EVL: variants seen among roughly 807,000 people sequenced by gnomAD.
EVL encodes ena/VASP-like protein.
A neutral mutation model predicts 59.6 loss-of-function variants in EVL; 21 were observed. The observed-to-expected ratio is 0.35, with a 90% CI of 0.25 to 0.51. EVL has a LOEUF of 0.51. EVL is among the 20% of genes least tolerant of loss of function. The probability of loss-of-function intolerance (pLI) is 0.97; values close to 1 mark genes in which losing one functional copy is unlikely to be tolerated. For synonymous variants in EVL, 198 were observed against 203.5 expected (o/e 0.97, Z 0.23); for missense variants, 462 against 546.6 (o/e 0.85, Z 1.54).
At chr14:100,009,642 G>A (rs2061003841) in intron 1 of EVL, among the ~76,000 whole-genome samples, 1 of 152,152 alleles carries the variant, frequency 6.6e-6, no homozygotes. Flanking sequence ...TCGTATTGTT[G>A]TTGATGAAGA....
At chr14:100,141,068 C>T (rs1209320922) in intron 11 of EVL, 112 bp from the exon 12 acceptor site, 1 of 997,598 alleles carries the variant, frequency 1.0e-6, no homozygotes, top group Non-Finnish European at 1.5e-6. Flanking sequence ...AGCAAGCAGC[C>T]TCTATGGAGC....
At chr14:100,063,647 AAAC>A (rs1347266270), upstream of EVL, among the ~76,000 whole-genome samples, 1 of 152,220 alleles carries the variant, frequency 6.6e-6, no homozygotes, top group Non-Finnish European at 1.5e-5. Flanking sequence ...AGACAAAAAC[AAAC>A]AACAGCAACA....
intron 1 of EVL, among the ~76,000 whole-genome samples, chr14:100,035,153 G>C (rs1283955302): frequency 1.3e-5 from 2 of 152,042 alleles, no homozygotes; most frequent in Non-Finnish European, 2.9e-5. Flanking sequence ...TTGTGTTTTT[G>C]CTGGTTTTTG....
At chr14:99,987,893 AAAGAC>A (rs2060849143) in intron 1 of EVL, among the ~76,000 whole-genome samples, 2 of 151,632 alleles carry the variant, frequency 1.3e-5, no homozygotes, top group South Asian at 4.2e-4. Flanking sequence ...TCAACAATGA[AAAGAC>A]AACCCAATTT....
chr14:100,012,247 T>A lies in EVL; in HGVS notation c.5+40190T>A, dbSNP rs566933040. ...TGATTTACCATTGCTAACTATCATT[T>A]CAGCTTTTTTAGGTTATGGGGTCTG... On this transcript the variant is annotated intron_variant, in intron 1 of 13. Coordinates refer to the EVL transcript ENST00000402714. Among the ~76,000 whole-genome samples the A allele has an allele frequency of 5.9e-5, 9 of 152,368 alleles. No individual in the cohort carries two copies. The South Asian group carries it at 1.7e-3, about 28-fold the overall frequency.
In EVL at chr14:100,144,229, T is replaced by G; in HGVS notation, c.*491T>G. 6.3e-6 allele frequency: 1 copy of G among 157,778 alleles called. No homozygotes were observed. The highest frequency in any genetic ancestry group is 1.4e-5 in the Non-Finnish European group (1 of 71,524). 9.8% of individuals were successfully genotyped at this position (157,778 alleles called of 1,614,324 possible). A position where few individuals can be genotyped will look rare whatever the true frequency, so the allele number is the denominator to read the frequency against. ...GTCCACACAGTAATAAACGGTTTAC[T>G]GTCCGCACCCTCGGGCTCAGGCCCT... On this transcript the variant is annotated 3_prime_UTR_variant, in exon 14 of 14. Coordinates refer to ENST00000392920, the MANE Select transcript of EVL (RefSeq NM_016337.3).
intron 1 of EVL, among the ~76,000 whole-genome samples, chr14:100,001,137 C>T (rs2060943754): frequency 6.6e-6 from 1 of 152,100 alleles, no homozygotes; most frequent in Non-Finnish European, 1.5e-5. Flanking sequence ...TATCAGTAGG[C>T]AGGTATGAAA....
intron 3 of EVL, chr14:100,106,976 G>C: frequency 2.5e-6 from 1 of 398,708 alleles, no homozygotes; most frequent in Non-Finnish European, 4.4e-6. Flanking sequence ...TGGTCTAGCA[G>C]GAAGAGTGCA....
rs1364047919 is a variant in EVL at position 100,141,765 on chromosome 14, C to T, written c.1191C>T (p.Leu397=). The T allele has an allele frequency of 1.2e-6, 2 of 1,613,502 alleles. No individual in the cohort carries two copies. The highest frequency in any genetic ancestry group is 1.7e-6 in the Non-Finnish European group (2 of 1,179,952). ...TCCTAGAGGAGGTGGTGAGAGAGCT[C>T]CACAAGGTGAAGGAGGAGATCATCG... ...QEILEEVVRE[L]HKVKEEIIDA... The change falls in exon 13 of 14, where the codon CTC becomes CTT. Residue 397 remains leucine, a synonymous_variant. Coordinates refer to ENST00000392920, the MANE Select transcript of EVL (RefSeq NM_016337.3).
At chr14:100,086,229 C>G (rs1406903982) in intron 2 of EVL, among the ~76,000 whole-genome samples, 1 of 152,194 alleles carries the variant, frequency 6.6e-6, no homozygotes, top group African/African-American at 2.4e-5. Flanking sequence ...TTTCTAGAAA[C>G]CTTCTAGAAG....
At chr14:100,093,754 G>A (rs981995166) in intron 2 of EVL, among the ~76,000 whole-genome samples, 2 of 152,164 alleles carry the variant, frequency 1.3e-5, no homozygotes, top group Non-Finnish European at 2.9e-5. Context: ...ACCAGAGAGG[G>A]AATTATAGGA....
At chr14:100,066,893 T>C (rs1307858773) in intron 1 of EVL, among the ~76,000 whole-genome samples, 1 of 152,206 alleles carries the variant, frequency 6.6e-6, no homozygotes, top group Non-Finnish European at 1.5e-5. Context: ...CCAAAATAAC[T>C]CTGCTTTTAT....
intron 1 of EVL, among the ~76,000 whole-genome samples, chr14:100,038,335 T>C (rs1249647869): frequency 6.6e-6 from 1 of 152,216 alleles, no homozygotes; most frequent in Non-Finnish European, 1.5e-5. Context: ...CTTATCATGC[T>C]CTTGTCTGGA....
chr14:100,056,141 C>T (rs2061729269), intron 1 of EVL, among the ~76,000 whole-genome samples: 1 of 151,768 alleles, frequency 6.6e-6, no homozygotes, highest in Non-Finnish European at 1.5e-5. Flanking sequence ...CTGTTTGGAA[C>T]GCTGTTGACC....
intron 1 of EVL, among the ~76,000 whole-genome samples, chr14:100,057,647 T>C (rs1482297679): frequency 6.6e-6 from 1 of 152,194 alleles, no homozygotes; most frequent in Non-Finnish European, 1.5e-5. Context: ...AAAAGGCAAC[T>C]TTTAGCGTCT....
intron 1 of EVL, among the ~76,000 whole-genome samples, chr14:100,044,809 T>G (rs536073874): frequency 6.6e-5 from 10 of 152,158 alleles, no homozygotes; most frequent in African/African-American, 2.2e-4. Flanking sequence ...CCAGTATAGC[T>G]TGGATGTAAG....
chr14:100,084,476 T>G (rs1373486776), intron 1 of EVL, among the ~76,000 whole-genome samples: 1 of 152,210 alleles, frequency 6.6e-6, no homozygotes, highest in Non-Finnish European at 1.5e-5. Flanking sequence ...TGTTGAAAGT[T>G]TTGGCACAGA....
At chr14:100,060,344 TG>T (rs2061804366) in intron 1 of EVL, among the ~76,000 whole-genome samples, 1 of 146,618 alleles carries the variant, frequency 6.8e-6, no homozygotes, top group African/African-American at 2.6e-5. Context: ...GGCAGGAGAA[TG>T]GCGTGAACCC....
rs966539639 is a variant in EVL, at chr14:100,132,914, C to T, written c.900+135C>T. ...TTCATCAGGTGATTCACAGGAGGGG[C>T]GGAGGGTCTCTGCGGTGCTTGTCCC... On this transcript the variant is annotated intron_variant, in intron 8 of 13. Coordinates refer to ENST00000392920, the MANE Select transcript of EVL (RefSeq NM_016337.3). The T allele has an allele frequency of 2.7e-4, 260 of 971,762 alleles. 1 individual carries two copies. Among genetic ancestry groups the T allele is most frequent in the Admixed American group, 2.6e-4 (13 of 50,594 alleles). The allele number at this position is 971,762 out of a possible 1,614,324, so 60.2% of individuals were successfully genotyped here. A position where few individuals can be genotyped will look rare whatever the true frequency, so the allele number is the denominator to read the frequency against.
Sources: gnomAD v4.1 joint callset for allele counts (sites outside exome capture counted in the v4.1 genomes callset) on GRCh38, gnomAD v4.1.1 for gene constraint, MANE v1.5 for transcripts, NCBI Gene and HGNC (gene_info 2026-07-23, HGNC 2026-07-21) for gene names.